ANKRD13C: variants seen among roughly 807,000 people sequenced by gnomAD.
ANKRD13C encodes ankyrin repeat domain-containing protein 13C.
ANKRD13C carries 16 observed loss-of-function variants against 65.5 expected under a neutral mutation model. The ratio of observed to expected loss-of-function variants is 0.24; its 90% CI spans 0.17 to 0.37. The LOEUF (loss-of-function observed/expected upper bound fraction) is 0.37. Among genes scored for constraint, ANKRD13C ranks in the 10% least tolerant of loss-of-function variants. The pLI, the probability that ANKRD13C is intolerant of heterozygous loss-of-function variation, is 1.00. For synonymous variants in ANKRD13C, 235 were observed against 238.7 expected (o/e 0.98, Z 0.14); for missense variants, 503 against 655.9 (o/e 0.77, Z 2.55).
intron 5 of ANKRD13C, among the ~76,000 whole-genome samples, chr1:70,311,166 C>T (rs1350383818): frequency 1.3e-5 from 2 of 152,148 alleles, no homozygotes. Flanking sequence ...AGTATTTCCA[C>T]CTGAAATATG....
intron 5 of ANKRD13C, among the ~76,000 whole-genome samples, chr1:70,310,532 T>C (rs1680805068): frequency 6.6e-6 from 1 of 152,216 alleles, no homozygotes; most frequent in Non-Finnish European, 1.5e-5. Flanking sequence ...TGGACAACTG[T>C]CTCAGTGGTT....
At position 70,260,699 on chromosome 1, in the gene ANKRD13C, T is replaced by G. The variant is rs1340450161; in HGVS notation, c.*2018A>C. On this transcript the variant is annotated 3_prime_UTR_variant, in exon 13 of 13. Transcript: ENST00000370944. ...CTCTTTGTGATCAGAGAAAAGACAT[T>G]TTGGAATGGATAATCTGTTTCTACC... 1 of 152,092 alleles carries G rather than the reference T, an allele frequency of 6.6e-6. No individual in the cohort carries two copies. The highest frequency in any genetic ancestry group is 2.4e-5 in the African/African-American group (1 of 41,432). The allele number at this position is 152,092 out of a possible 1,614,324, so 9.4% of individuals were successfully genotyped here. A position where few individuals can be genotyped will look rare whatever the true frequency, so the allele number is the denominator to read the frequency against.
intron 9 of ANKRD13C, among the ~76,000 whole-genome samples, chr1:70,278,098 A>T (rs1572038401): frequency 6.6e-6 from 1 of 151,056 alleles, no homozygotes. Context: ...CTGAGGCGGG[A>T]GGATCACTTG....
chr1:70,326,884 T>G (rs946779999), intron 2 of ANKRD13C, among the ~76,000 whole-genome samples: 1 of 148,776 alleles, frequency 6.7e-6, no homozygotes, highest in Non-Finnish European at 1.5e-5. Context: ...AAAAAAAAAC[T>G]GATAAGCCCA....
At chr1:70,291,632 G>A (rs1256164378) in intron 9 of ANKRD13C, among the ~76,000 whole-genome samples, 4 of 151,934 alleles carry the variant, frequency 2.6e-5, no homozygotes, top group South Asian at 4.2e-4. Flanking sequence ...TCTTTAGCTG[G>A]GCCTTCAAAG....
chr1:70,349,500 CA>C (rs146637791), intron 1 of ANKRD13C, among the ~76,000 whole-genome samples: 18,912 of 136,664 alleles, frequency 0.14, 1,337 homozygotes, highest in East Asian at 0.35. Context: ...ATTGATGACT[CA>C]AAAAAAAAAA....
At chr1:70,333,483 C>A (rs190962040) in intron 2 of ANKRD13C, among the ~76,000 whole-genome samples, 4 of 152,298 alleles carry the variant, frequency 2.6e-5, no homozygotes, top group Admixed American at 2.6e-4. Flanking sequence ...CTCCTACCCC[C>A]AAATCTCACC....
chr1:70,315,958 G>T (rs929291408), intron 3 of ANKRD13C, among the ~76,000 whole-genome samples: 1 of 152,096 alleles, frequency 6.6e-6, no homozygotes, highest in African/African-American at 2.4e-5. Flanking sequence ...TATCAGTAAC[G>T]ATTTACCTAA....
chr1:70,345,574 T>G (rs1160697305), intron 1 of ANKRD13C, among the ~76,000 whole-genome samples: 2 of 151,738 alleles, frequency 1.3e-5, no homozygotes, highest in Admixed American at 6.6e-5. Flanking sequence ...TGCATTGATA[T>G]TTGAAAAACA....
At position 70,278,530 on chromosome 1, in the gene ANKRD13C, A is replaced by G. The variant is rs916414105; in HGVS notation, c.1216-1686T>C. ...AGCGACTCTATGTCTCAAGAAAACA[A>G]AACAAAACAAAAACCTCATAAATTA... On this transcript the variant is annotated intron_variant, in intron 9 of 12. Coordinates refer to ENST00000370944, the MANE Select transcript of ANKRD13C (RefSeq NM_030816.5). Among the ~76,000 whole-genome samples the G allele has an allele frequency of 2.6e-5, 4 of 152,140 alleles. No homozygotes were observed. In the East Asian group the frequency reaches 7.7e-4, roughly 29 times the overall value.
At chr1:70,293,330 C>A (rs536841781) in intron 8 of ANKRD13C, among the ~76,000 whole-genome samples, 1 of 152,256 alleles carries the variant, frequency 6.6e-6, no homozygotes, top group Non-Finnish European at 1.5e-5. Context: ...AAACAAGCTT[C>A]CCATTTCTAT....
rs1053166139 is a variant in ANKRD13C at position 70,354,505 on chromosome 1, A to C, written c.-97T>G. 96 of 1,471,206 alleles carry C rather than the reference A, an allele frequency of 6.5e-5. No homozygotes were observed. Among genetic ancestry groups the C allele is most frequent in the Non-Finnish European group, 8.2e-5 (92 of 1,115,950 alleles). 91.1% of individuals were successfully genotyped at this position (1,471,206 alleles called of 1,614,324 possible). ...CAAGGCGATTAGAGCGGTGGCCAAGAGCCTCCAGCGCAGCATGAACTCCCA... is the reference window on the plus strand; with the variant it reads ...CAAGGCGATTAGAGCGGTGGCCAAGCGCCTCCAGCGCAGCATGAACTCCCA... On this transcript the variant is annotated 5_prime_UTR_variant, in exon 1 of 13. Transcript: ENST00000370944.
intron 2 of ANKRD13C, among the ~76,000 whole-genome samples, chr1:70,332,650 G>C (rs1460744549): frequency 6.6e-6 from 1 of 152,080 alleles, no homozygotes; most frequent in Non-Finnish European, 1.5e-5. Flanking sequence ...ATTTTTAGTA[G>C]AGATGGGGTC....
intron 2 of ANKRD13C, among the ~76,000 whole-genome samples, chr1:70,334,127 T>C (rs758434235): frequency 2.4e-4 from 36 of 152,188 alleles, no homozygotes; most frequent in Admixed American, 1.6e-3. Flanking sequence ...AGTTTGAGAA[T>C]AGCCTGGGCA....
intron 9 of ANKRD13C, among the ~76,000 whole-genome samples, chr1:70,291,528 A>T (rs868834479): frequency 1.5e-4 from 23 of 152,152 alleles, no homozygotes; most frequent in Non-Finnish European, 2.8e-4. Flanking sequence ...CTGTCACACA[A>T]TTCTTTGCAT....
At chr1:70,303,627 C>A (rs1680469190) in intron 6 of ANKRD13C, among the ~76,000 whole-genome samples, 1 of 152,160 alleles carries the variant, frequency 6.6e-6, no homozygotes, top group Admixed American at 6.5e-5. Context: ...GTATTAGTTT[C>A]TCTTTGATAC....
At chr1:70,282,868 A>G (rs926642944) in intron 9 of ANKRD13C, among the ~76,000 whole-genome samples, 13 of 152,176 alleles carry the variant, frequency 8.5e-5, no homozygotes, top group African/African-American at 3.1e-4. Context: ...TATTTTAAAT[A>G]TTATATATAA....
chr1:70,265,841 A>AG (rs1678596926), intron 12 of ANKRD13C, among the ~76,000 whole-genome samples: 1 of 149,076 alleles, frequency 6.7e-6, no homozygotes, highest in African/African-American at 2.5e-5. Flanking sequence ...AAAAAAAAAA[A>AG]AAAAAAAAAA....
chr1:70,291,647 G>A (rs1235584291), intron 9 of ANKRD13C, among the ~76,000 whole-genome samples: 3 of 152,000 alleles, frequency 2.0e-5, no homozygotes, highest in African/African-American at 4.8e-5. Flanking sequence ...TCAAAGCAGC[G>A]GATTTTGATT....
Sources: allele counts gnomAD v4.1 joint callset (sites outside exome capture counted in the v4.1 genomes callset), GRCh38; gene constraint gnomAD v4.1.1; transcripts MANE v1.5; gene names NCBI Gene and HGNC (gene_info 2026-07-23, HGNC 2026-07-21).